RARB: variants seen among roughly 807,000 people sequenced by gnomAD.
RARB encodes the protein retinoic acid receptor beta.
RARB carries 17 observed loss-of-function variants against 51.9 expected under a neutral mutation model. That is an observed-to-expected ratio of 0.33 (90% CI 0.22 to 0.49). The LOEUF (loss-of-function observed/expected upper bound fraction) is 0.49. Ranked by LOEUF, RARB falls within the 20% of genes least tolerant of loss-of-function variation. The pLI is 0.99. For missense variants in RARB, 369 were observed against 550.8 expected (o/e 0.67, Z 3.30); for synonymous variants, 215 against 195.4 (o/e 1.10, Z -0.84).
intron 2 of RARB, among the ~76,000 whole-genome samples, chr3:24,978,714 A>AT (rs551997715): frequency 0.025 from 3,682 of 146,242 alleles, 62 homozygotes; most frequent in South Asian, 0.053. Context: ...TCCTGGATTG[A>AT]TTTTTTTTTT....
chr3:25,037,378 G>A (rs1411288008), intron 2 of RARB, among the ~76,000 whole-genome samples: 1 of 152,036 alleles, frequency 6.6e-6, no homozygotes, highest in Non-Finnish European at 1.5e-5. Context: ...GGTGGAGGGA[G>A]GAGGGAGGTT....
intron 5 of RARB, among the ~76,000 whole-genome samples, chr3:25,188,617 T>C (rs1450291271): frequency 6.6e-6 from 1 of 152,186 alleles, no homozygotes; most frequent in Non-Finnish European, 1.5e-5. Flanking sequence ...GATATCCATG[T>C]ACTCTACCCA....
chr3:25,161,870 G>A (rs1216337267), intron 4 of RARB, among the ~76,000 whole-genome samples: 1 of 152,184 alleles, frequency 6.6e-6, no homozygotes, highest in African/African-American at 2.4e-5. Context: ...ACCTAACCCT[G>A]GCAGAGCCCC....
chr3:25,441,202 T>A, intron 1 of RARB: 1 of 272,648 alleles, frequency 3.7e-6, no homozygotes, highest in Non-Finnish European at 7.2e-6. Context: ...TTGATATGGA[T>A]AACACACAGG....
intron 1 of RARB, among the ~76,000 whole-genome samples, chr3:25,430,283 CAAAG>C (rs1254437115): frequency 6.6e-6 from 1 of 152,174 alleles, no homozygotes; most frequent in Non-Finnish European, 1.5e-5. Context: ...CTGGAGAACT[CAAAG>C]AAACTGGAGT....
chr3:25,315,915 G>C (rs1447493469), intron 5 of RARB, among the ~76,000 whole-genome samples: 1 of 152,028 alleles, frequency 6.6e-6, no homozygotes, highest in Non-Finnish European at 1.5e-5. Flanking sequence ...CACCGCACCT[G>C]ACCTACATTA....
chr3:24,894,817 T>A (rs927926309), intron 2 of RARB, among the ~76,000 whole-genome samples: 13 of 152,206 alleles, frequency 8.5e-5, no homozygotes, highest in Non-Finnish European at 1.9e-4. Flanking sequence ...GAAGATGTAG[T>A]ACTTGCCCTC....
chr3:25,481,973 G>T (rs1350461615), intron 2 of RARB, among the ~76,000 whole-genome samples: 1 of 152,160 alleles, frequency 6.6e-6, no homozygotes, highest in Non-Finnish European at 1.5e-5. Flanking sequence ...GGCACAGAGA[G>T]GTTATGTAAC....
At chr3:24,910,675 T>C (rs964685622) in intron 2 of RARB, among the ~76,000 whole-genome samples, 2 of 152,184 alleles carry the variant, frequency 1.3e-5, no homozygotes, top group African/African-American at 4.8e-5. Flanking sequence ...TCCATTTCCT[T>C]CCATTTTCAA....
chr3:25,178,414 T>C (rs975128921), intron 5 of RARB, among the ~76,000 whole-genome samples: 2 of 152,142 alleles, frequency 1.3e-5, no homozygotes, highest in African/African-American at 4.8e-5. Flanking sequence ...ATAGCCTCGA[T>C]GTCACTGCCA....
chr3:25,447,994 G>A (rs1709023108), intron 1 of RARB, among the ~76,000 whole-genome samples: 1 of 152,106 alleles, frequency 6.6e-6, no homozygotes, highest in Admixed American at 6.6e-5. Flanking sequence ...GGCAGGCATT[G>A]TGCAAAGTAC....
chr3:25,219,265 TAA>T (rs5847342), intron 5 of RARB, among the ~76,000 whole-genome samples: 1 of 148,874 alleles, frequency 6.7e-6, no homozygotes, highest in African/African-American at 2.5e-5. Flanking sequence ...ACCTCTAGGT[TAA>T]AAAAAAAAAT....
intron 5 of RARB, among the ~76,000 whole-genome samples, chr3:25,277,810 A>G (rs1018308320): frequency 2.0e-5 from 3 of 152,340 alleles, no homozygotes; most frequent in Admixed American, 6.5e-5. Context: ...AAGTGAACAC[A>G]CAAGTAACTC....
At chr3:24,947,980 A>C (rs1695810934) in intron 2 of RARB, among the ~76,000 whole-genome samples, 2 of 152,060 alleles carry the variant, frequency 1.3e-5, no homozygotes, top group African/African-American at 2.4e-5. Flanking sequence ...TGTAAAGAAC[A>C]TATGTAGCTC....
chr3:25,206,581 T>C (rs921590963), intron 5 of RARB, among the ~76,000 whole-genome samples: 1 of 151,956 alleles, frequency 6.6e-6, no homozygotes, highest in African/African-American at 2.4e-5. Context: ...TTTCAGATCA[T>C]TTATCTTTCT....
chr3:25,592,505 C>G (rs988414050), intron 5 of RARB, among the ~76,000 whole-genome samples: 2 of 152,284 alleles, frequency 1.3e-5, no homozygotes, highest in Middle Eastern at 3.4e-3. Flanking sequence ...ATGCACGGAG[C>G]TCCTTACCAG....
At chr3:25,557,339 C>G (rs1464096177) in intron 3 of RARB, among the ~76,000 whole-genome samples, 1 of 152,100 alleles carries the variant, frequency 6.6e-6, no homozygotes, top group Non-Finnish European at 1.5e-5. Context: ...AAACAAAACC[C>G]GGAGGGACTA....
intron 2 of RARB, among the ~76,000 whole-genome samples, chr3:25,483,718 G>A (rs1205405050): frequency 1.3e-5 from 2 of 152,108 alleles, no homozygotes; most frequent in South Asian, 2.1e-4. Flanking sequence ...TAAAACTTCT[G>A]GGTGCATAAT....
intron 5 of RARB, among the ~76,000 whole-genome samples, chr3:25,204,367 T>C (rs1457930512): frequency 2.0e-5 from 3 of 152,216 alleles, no homozygotes; most frequent in African/African-American, 7.2e-5. Context: ...GCCACGAGTT[T>C]GAACTTCTTC....
Sources: allele counts gnomAD v4.1 joint callset (sites outside exome capture counted in the v4.1 genomes callset), GRCh38; gene constraint gnomAD v4.1.1; transcripts MANE v1.5; gene names NCBI Gene and HGNC (gene_info 2026-07-23, HGNC 2026-07-21).